DKK2: variants seen among roughly 807,000 people sequenced by gnomAD.
DKK2 encodes dickkopf Wnt signaling pathway inhibitor 2.
DKK2 carries 11 observed loss-of-function variants against 28.1 expected under a neutral mutation model. That is an observed-to-expected ratio of 0.39 (90% CI 0.25 to 0.65). DKK2 has a LOEUF of 0.65. Among genes scored for constraint, DKK2 ranks in the 30% least tolerant of loss-of-function variants. The pLI is 0.47. For missense variants in DKK2, 326 were observed against 335.5 expected, an observed-to-expected ratio of 0.97 and a Z score of 0.22; for synonymous variants, 135 against 126.5, an observed-to-expected ratio of 1.07 and a Z score of -0.45.
intron 1 of DKK2, among the ~76,000 whole-genome samples, chr4:107,002,829 C>G (rs923038613): frequency 6.6e-6 from 1 of 152,130 alleles, no homozygotes; most frequent in African/African-American, 2.4e-5. Flanking sequence ...AACTGTGTGA[C>G]CTTGGACAAA....
At chr4:106,945,697 G>T (rs1462317469) in intron 1 of DKK2, among the ~76,000 whole-genome samples, 1 of 152,044 alleles carries the variant, frequency 6.6e-6, no homozygotes, top group Admixed American at 6.6e-5. Context: ...CTGATGTCTG[G>T]CTTGTTCACT....
At chr4:106,998,791 A>G (rs1176410296) in intron 1 of DKK2, among the ~76,000 whole-genome samples, 1 of 152,208 alleles carries the variant, frequency 6.6e-6, no homozygotes, top group Non-Finnish European at 1.5e-5. Flanking sequence ...AGTACCTCCT[A>G]CTGGGGAATA....
intron 1 of DKK2, 141 bp from the exon 2 acceptor site, chr4:106,926,090 G>T: frequency 1.1e-6 from 1 of 902,312 alleles, no homozygotes; most frequent in Non-Finnish European, 1.6e-6. Context: ...ATAATGTTCT[G>T]AACCTAGAGC....
At chr4:106,932,180 G>C (rs1421488508) in intron 1 of DKK2, among the ~76,000 whole-genome samples, 2 of 152,028 alleles carry the variant, frequency 1.3e-5, no homozygotes, top group African/African-American at 2.4e-5. Flanking sequence ...TTAAGGCTAG[G>C]GTAGTTAGAA....
chr4:107,021,732 G>T (rs1245619048), intron 1 of DKK2, among the ~76,000 whole-genome samples: 1 of 152,020 alleles, frequency 6.6e-6, no homozygotes. Flanking sequence ...CCTTCTCAGG[G>T]AACAGTGAGT....
chr4:106,970,364 T>C (rs1187586109), intron 1 of DKK2, among the ~76,000 whole-genome samples: 1 of 152,090 alleles, frequency 6.6e-6, no homozygotes, highest in Non-Finnish European at 1.5e-5. Flanking sequence ...TTTTTGCCAA[T>C]ATCACTCTAG....
intron 1 of DKK2, among the ~76,000 whole-genome samples, chr4:107,017,479 A>G (rs1723627180): frequency 6.6e-6 from 1 of 152,044 alleles, no homozygotes; most frequent in Admixed American, 6.6e-5. Context: ...GAGACCAAGT[A>G]ACGACACAAT....
intron 1 of DKK2, among the ~76,000 whole-genome samples, chr4:106,939,258 G>C (rs577336228): frequency 7.0e-4 from 106 of 152,254 alleles, no homozygotes; most frequent in African/African-American, 2.4e-3. Flanking sequence ...AGCAACTTCA[G>C]CAAAGTCTCG....
At chr4:106,970,672 C>T (rs545212426) in intron 1 of DKK2, among the ~76,000 whole-genome samples, 1 of 152,070 alleles carries the variant, frequency 6.6e-6, no homozygotes, top group Admixed American at 6.6e-5. Flanking sequence ...TTGTGGACTG[C>T]TATATTGTAC....
In DKK2 at chr4:106,987,616, C is replaced by T. The variant is rs1048662070; in HGVS notation, c.222+47754G>A. On this transcript the variant is annotated intron_variant, in intron 1 of 3. Coordinates refer to ENST00000285311, the MANE Select transcript of DKK2 (RefSeq NM_014421.3). Reference sequence around the variant, plus strand: ...CTGGGGTATTTGCAACTTCAGTAGACAGGCATAAGAATGCAATTCAATTCA... The same window carrying T: ...CTGGGGTATTTGCAACTTCAGTAGATAGGCATAAGAATGCAATTCAATTCA... Among the ~76,000 whole-genome samples the T allele has an allele frequency of 2.6e-5, 4 of 151,746 alleles. No individual in the cohort carries two copies. The South Asian group carries it at 6.2e-4, about 24-fold the overall frequency.
intron 1 of DKK2, among the ~76,000 whole-genome samples, chr4:106,984,561 C>T (rs1723089347): frequency 6.6e-6 from 1 of 152,058 alleles, no homozygotes; most frequent in African/African-American, 2.4e-5. Flanking sequence ...ATGTATATAC[C>T]ACATTTTGTT....
At chr4:106,954,871 T>C (rs1412743602) in intron 1 of DKK2, among the ~76,000 whole-genome samples, 1 of 152,212 alleles carries the variant, frequency 6.6e-6, no homozygotes, top group Non-Finnish European at 1.5e-5. Context: ...TGGCAGTTCA[T>C]GCTGTACAGA....
At chr4:106,940,418 C>G (rs1170491131) in intron 1 of DKK2, among the ~76,000 whole-genome samples, 2 of 151,392 alleles carry the variant, frequency 1.3e-5, no homozygotes, top group Non-Finnish European at 2.9e-5. Context: ...GATACCATCT[C>G]ACACCAGTTA....
At position 106,925,886 on chromosome 4, in the gene DKK2, C is replaced by G. The variant is rs35290077; in HGVS notation, c.286G>C (p.Gly96Arg). The G allele has an allele frequency of 0.035, 56,703 of 1,613,690 alleles. 1,210 individuals are homozygous for G. Among genetic ancestry groups the G allele is most frequent in the Non-Finnish European group, 0.041 (48,245 of 1,179,806 alleles). ...CGACACACCATGCAGGCCGATGATC[C>G]TTGGTGGGGACTGTGGCAATACCTC... is the stretch of plus-strand genomic sequence containing the variant. ...VGRYCHSPHQ[G>R]SSACMVCRRK... The change falls in exon 2 of 4, where the codon GGA becomes CGA. Residue 96 changes from glycine (G) to arginine (R), a missense_variant. Gly to Arg is a moderately radical substitution (Grantham distance 125). Coordinates refer to ENST00000285311, the MANE Select transcript of DKK2 (RefSeq NM_014421.3).
chr4:106,990,178 T>G (rs921550142), intron 1 of DKK2, among the ~76,000 whole-genome samples: 1 of 152,200 alleles, frequency 6.6e-6, no homozygotes, highest in Non-Finnish European at 1.5e-5. Flanking sequence ...CACTAATTAA[T>G]AAATTAATTT....
chr4:106,970,437 A>T (rs1722854078), intron 1 of DKK2, among the ~76,000 whole-genome samples: 1 of 152,060 alleles, frequency 6.6e-6, no homozygotes, highest in African/African-American at 2.4e-5. Context: ...CAGTATGTGA[A>T]ATCCCCAGAA....
chr4:106,969,798 A>G (rs1052564637), intron 1 of DKK2, among the ~76,000 whole-genome samples: 12 of 152,216 alleles, frequency 7.9e-5, no homozygotes, highest in African/African-American at 2.9e-4. Context: ...GAGAACAAAA[A>G]TATCTCCAAG....
chr4:106,974,351 T>A (rs532839796), intron 1 of DKK2, among the ~76,000 whole-genome samples: 32 of 152,314 alleles, frequency 2.1e-4, no homozygotes, highest in Admixed American at 4.6e-4. Context: ...ATTTTCACGA[T>A]ATTGATTCTT....
chr4:106,988,066 A>C (rs555167110), intron 1 of DKK2, among the ~76,000 whole-genome samples: 6 of 152,192 alleles, frequency 3.9e-5, no homozygotes, highest in East Asian at 1.9e-4. Flanking sequence ...GGGTTTCACC[A>C]TGTTAGCCAG....
Sources: gnomAD v4.1 joint callset for allele counts (sites outside exome capture counted in the v4.1 genomes callset) on GRCh38, gnomAD v4.1.1 for gene constraint, MANE v1.5 for transcripts, NCBI Gene and HGNC (gene_info 2026-07-23, HGNC 2026-07-21) for gene names.